PACSIN1: variants seen among roughly 807,000 people sequenced by gnomAD.
The protein encoded by PACSIN1 is protein kinase C and casein kinase substrate in neurons 1.
In PACSIN1, 15 loss-of-function variants were observed where a neutral mutation model predicts 59.5. That is an observed-to-expected ratio of 0.25 (90% CI 0.17 to 0.39). The LOEUF is 0.39. PACSIN1 is among the 10% of genes least tolerant of loss of function. The pLI is 1.00. For missense variants in PACSIN1, 420 were observed against 580.2 expected, an observed-to-expected ratio of 0.72 and a Z score of 2.84; for synonymous variants, 210 against 220.6, an observed-to-expected ratio of 0.95 and a Z score of 0.42.
rs146198028 is a variant in PACSIN1, at chr6:34,468,707, C to T, written c.-64+2437C>T. ...CTGAGACTCCTTTTTCCTCCAGAAGCTTCCCCAGCTTGGGCTGGGAACCCC... is the reference window on the plus strand; with the variant it reads ...CTGAGACTCCTTTTTCCTCCAGAAGTTTCCCCAGCTTGGGCTGGGAACCCC... On this transcript the variant is annotated intron_variant, in intron 1 of 9. Coordinates refer to ENST00000244458, the MANE Select transcript of PACSIN1 (RefSeq NM_020804.5). Among the ~76,000 whole-genome samples, 430 of 152,352 alleles carry T rather than the reference C, an allele frequency of 2.8e-3. 4 individuals are homozygous for T. Among genetic ancestry groups the T allele is most frequent in the African/African-American group, 9.5e-3 (396 of 41,588 alleles).
At chr6:34,502,825 C>G (rs1767045370) in intron 1 of PACSIN1, among the ~76,000 whole-genome samples, 1 of 152,102 alleles carries the variant, frequency 6.6e-6, no homozygotes, top group South Asian at 2.1e-4. Flanking sequence ...GAAGAGCCAC[C>G]CAGCTGAGCC....
chr6:34,519,008 A>AGG (rs1160915051), intron 1 of PACSIN1, among the ~76,000 whole-genome samples: 1 of 151,836 alleles, frequency 6.6e-6, no homozygotes, highest in Non-Finnish European at 1.5e-5. Flanking sequence ...GATTTTCTGG[A>AGG]GGAGAGAGAG....
chr6:34,515,276 G>A lies in PACSIN1; in HGVS notation c.-63-10967G>A, dbSNP rs4713809. On this transcript the variant is annotated intron_variant, in intron 1 of 9. Transcript: ENST00000244458. The surrounding 1 kb of genome is among the most constrained non-coding windows in gnomAD (Gnocchi z 4.4). ...AGAACCTTGATCCTCCTCATCAGGG[G>A]GACTGTCCCTGTTGCCTTTCCTCCT... Among the ~76,000 whole-genome samples, 1 of 152,298 alleles carries A rather than the reference G, an allele frequency of 6.6e-6. No individual in the cohort carries two copies. The highest frequency in any genetic ancestry group is 1.9e-4 in the East Asian group (1 of 5,164).
At chr6:34,475,099 C>T (rs1313267543) in intron 1 of PACSIN1, among the ~76,000 whole-genome samples, 1 of 152,164 alleles carries the variant, frequency 6.6e-6, no homozygotes, top group Non-Finnish European at 1.5e-5. Context: ...TCTACTTTAT[C>T]ATCTTCATAG....
At chr6:34,502,875 A>T (rs1767046449) in intron 1 of PACSIN1, among the ~76,000 whole-genome samples, 1 of 152,186 alleles carries the variant, frequency 6.6e-6, no homozygotes, top group Non-Finnish European at 1.5e-5. Context: ...TCATTGTTCT[A>T]AGTCACTAAA....
intron 1 of PACSIN1, among the ~76,000 whole-genome samples, chr6:34,504,286 ATATATTTT>A (rs567921892): frequency 0.011 from 961 of 85,844 alleles, 12 homozygotes; most frequent in East Asian, 0.091. Context: ...ATATATATAT[ATATATTTT>A]TTTTTTTTTT....
intron 1 of PACSIN1, among the ~76,000 whole-genome samples, chr6:34,519,555 G>C (rs1767352115): frequency 6.6e-6 from 1 of 152,154 alleles, no homozygotes; most frequent in African/African-American, 2.4e-5. Context: ...TATTAGCTGA[G>C]GAGGGGAGAA....
intron 1 of PACSIN1, among the ~76,000 whole-genome samples, chr6:34,517,486 T>G: frequency 1.3e-5 from 2 of 151,260 alleles, no homozygotes; most frequent in South Asian, 2.1e-4. Context: ...CCCTCCCCAG[T>G]TCCCTCCCCC....
chr6:34,487,095 AG>A (rs1766806058), intron 1 of PACSIN1, among the ~76,000 whole-genome samples: 1 of 151,752 alleles, frequency 6.6e-6, no homozygotes, highest in Non-Finnish European at 1.5e-5. Flanking sequence ...AGCCGAGCCC[AG>A]GGAGGTTGAG....
At position 34,521,806 on chromosome 6, in the gene PACSIN1, G is replaced by A. The variant is rs1329215202; in HGVS notation, c.-63-4437G>A. Among the ~76,000 whole-genome samples the A allele has an allele frequency of 2.0e-5, 3 of 152,144 alleles. No homozygotes were observed. The highest frequency in any genetic ancestry group is 4.4e-5 in the Non-Finnish European group (3 of 68,026). On this transcript the variant is annotated intron_variant, in intron 1 of 9. Transcript: ENST00000244458. The surrounding 1 kb of genome is among the most constrained non-coding windows in gnomAD (Gnocchi z 4.3). Reference sequence around the variant, plus strand: ...CCAGTGGCCCGAGGTCTAGTGCTCCGTTTAATCCTTGCAACAGCCCATTTT... The same window carrying A: ...CCAGTGGCCCGAGGTCTAGTGCTCCATTTAATCCTTGCAACAGCCCATTTT...
intron 2 of PACSIN1, among the ~76,000 whole-genome samples, chr6:34,526,819 G>C (rs1767493531): frequency 6.6e-6 from 1 of 152,082 alleles, no homozygotes; most frequent in South Asian, 2.1e-4. Context: ...CAGAACCTTC[G>C]GAAATATTTG....
At chr6:34,492,420 G>A (rs550420374) in intron 1 of PACSIN1, among the ~76,000 whole-genome samples, 15 of 151,116 alleles carry the variant, frequency 9.9e-5, no homozygotes, top group African/African-American at 1.5e-4. Context: ...TTTCGCTCTT[G>A]TTGCCCAGGC....
At chr6:34,467,739 G>C (rs906130443) in intron 1 of PACSIN1, among the ~76,000 whole-genome samples, 11 of 151,990 alleles carry the variant, frequency 7.2e-5, no homozygotes, top group Non-Finnish European at 1.5e-4. Context: ...TATATTTTTA[G>C]TAGAGACGGG....
At position 34,514,123 on chromosome 6, in the gene PACSIN1, CA is replaced by C. The variant is rs2127265494; in HGVS notation, c.-63-12117del. On this transcript the variant is annotated intron_variant, in intron 1 of 9. Coordinates refer to ENST00000244458, the MANE Select transcript of PACSIN1 (RefSeq NM_020804.5). This position sits in a 1 kb window ranked among gnomAD's most constrained non-coding sequence, Gnocchi z 4.4. ...ACAGACTTGTGGAAATGCATGTGTGCAAATATATGTAATGGGCGTTTGTATC... is the reference window on the plus strand; with the variant it reads ...ACAGACTTGTGGAAATGCATGTGTGCAATATATGTAATGGGCGTTTGTATC... Among the ~76,000 whole-genome samples, 1 of 152,248 alleles carries C rather than the reference CA, an allele frequency of 6.6e-6. No homozygotes were observed. Among genetic ancestry groups the C allele is most frequent in the African/African-American group, 2.4e-5 (1 of 41,538 alleles).
At chr6:34,495,616 C>G (rs1339180121) in intron 1 of PACSIN1, among the ~76,000 whole-genome samples, 1 of 152,124 alleles carries the variant, frequency 6.6e-6, no homozygotes, top group Non-Finnish European at 1.5e-5. Flanking sequence ...CCACACCCAG[C>G]TAATTTTTGG....
chr6:34,526,972 C>T (rs1247294880), intron 2 of PACSIN1, among the ~76,000 whole-genome samples: 3 of 152,196 alleles, frequency 2.0e-5, no homozygotes, highest in Admixed American at 6.5e-5. Flanking sequence ...GCTTATATGA[C>T]TCTATATAAA....
intron 1 of PACSIN1, among the ~76,000 whole-genome samples, chr6:34,501,796 C>T (rs911888867): frequency 5.9e-5 from 9 of 151,922 alleles, no homozygotes; most frequent in Admixed American, 1.3e-4. Flanking sequence ...TTTGGGAGGC[C>T]GAGGAGGGTG....
chr6:34,508,808 C>G (rs1003699311), intron 1 of PACSIN1, among the ~76,000 whole-genome samples: 3 of 152,106 alleles, frequency 2.0e-5, no homozygotes, highest in African/African-American at 7.2e-5. Flanking sequence ...ACCAGTTGTT[C>G]ATTTGTATGC....
At chr6:34,479,258 A>T (rs1766682550) in intron 1 of PACSIN1, among the ~76,000 whole-genome samples, 1 of 152,078 alleles carries the variant, frequency 6.6e-6, no homozygotes, top group Admixed American at 6.5e-5. Context: ...GTAAAAAAAA[A>T]TCAAAACATT....
Sources: allele counts gnomAD v4.1 joint callset (sites outside exome capture counted in the v4.1 genomes callset), GRCh38; gene constraint gnomAD v4.1.1; non-coding constraint Gnocchi (gnomAD v3.1); transcripts MANE v1.5; gene names NCBI Gene and HGNC (gene_info 2026-07-23, HGNC 2026-07-21).